ERICH6B: variants seen among roughly 807,000 people sequenced by gnomAD.
The protein encoded by ERICH6B is glutamate rich 6B.
A neutral mutation model predicts 80.0 loss-of-function variants in ERICH6B; 69 were observed. The observed-to-expected ratio is 0.86, with a 90% CI of 0.71 to 1.05. ERICH6B has a LOEUF of 1.05. ERICH6B is among the 50% of genes least tolerant of loss of function. The probability of loss-of-function intolerance (pLI) is 0.00; values close to 1 mark genes in which losing one functional copy is unlikely to be tolerated. For missense variants in ERICH6B, 754 were observed against 796.1 expected (o/e 0.95, Z 0.64); for synonymous variants, 283 against 291.9 (o/e 0.97, Z 0.31).
At chr13:45,565,997 G>A (rs1473333799) in intron 9 of ERICH6B, among the ~76,000 whole-genome samples, 1 of 152,230 alleles carries the variant, frequency 6.6e-6, no homozygotes, top group African/African-American at 2.4e-5. Flanking sequence ...AAAAAGTCCA[G>A]GCTGAGGTGG....
chr13:45,603,012 G>A (rs1566306307), intron 2 of ERICH6B, among the ~76,000 whole-genome samples: 1 of 152,232 alleles, frequency 6.6e-6, no homozygotes, highest in Non-Finnish European at 1.5e-5. Flanking sequence ...AAAGCTGGTG[G>A]TGTAATTCAG....
At chr13:45,580,686 G>C (rs1202711913) in intron 5 of ERICH6B, 21 bp from the exon 6 acceptor site, 1 of 1,550,954 alleles carries the variant, frequency 6.4e-7, no homozygotes, top group South Asian at 1.2e-5. Context: ...GCAGAAGAGG[G>C]TGGCTATTAA....
chr13:45,586,852 G>C (rs1875926616), intron 5 of ERICH6B, among the ~76,000 whole-genome samples: 1 of 152,146 alleles, frequency 6.6e-6, no homozygotes, highest in African/African-American at 2.4e-5. Flanking sequence ...TTCTCTGAGG[G>C]GGGTCTGGGA....
At chr13:45,553,568 G>A (rs1280369012) in intron 11 of ERICH6B, among the ~76,000 whole-genome samples, 1 of 151,998 alleles carries the variant, frequency 6.6e-6, no homozygotes, top group Admixed American at 6.6e-5. Flanking sequence ...TCCTTATGCC[G>A]AGCACTGCAC....
Position 45,561,354 on chromosome 13 carries a change from T to C in ERICH6B, c.1407+15A>G. On this transcript the variant is annotated intron_variant, in intron 11 of 14. Coordinates refer to ENST00000298738, the MANE Select transcript of ERICH6B (RefSeq NM_182542.3). ...CTGTGCAAAGTAAAAAACAGCAATGTACTGTCCCTCTTACCACTGTCTTCT... is the reference window on the plus strand; with the variant it reads ...CTGTGCAAAGTAAAAAACAGCAATGCACTGTCCCTCTTACCACTGTCTTCT... 1 of 1,551,332 alleles carries C rather than the reference T, an allele frequency of 6.4e-7. No individual in the cohort carries two copies. The highest frequency in any genetic ancestry group is 8.7e-7 in the Non-Finnish European group (1 of 1,146,528).
intron 2 of ERICH6B, among the ~76,000 whole-genome samples, chr13:45,606,524 TATATATATATATATA>T (rs1949863337): frequency 6.0e-5 from 2 of 33,334 alleles, no homozygotes; most frequent in African/African-American, 2.7e-4. Flanking sequence ...TATATATATA[TATATATATATATATA>T]TATATATATT....
At position 45,542,390 on chromosome 13, in the gene ERICH6B, T is replaced by C. The variant is rs572660296; in HGVS notation, c.1873-710A>G. ...AGGCTGGGCATGGAGGCGCCTGTTCTTCCCTGGGCACACTACTGCCCACGT... is the reference window on the plus strand; with the variant it reads ...AGGCTGGGCATGGAGGCGCCTGTTCCTCCCTGGGCACACTACTGCCCACGT... On this transcript the variant is annotated intron_variant, in intron 14 of 14. Transcript: ENST00000298738. Among the ~76,000 whole-genome samples the C allele has an allele frequency of 3.9e-3, 598 of 152,350 alleles. 2 individuals carry two copies. The highest frequency in any genetic ancestry group is 6.5e-3 in the Non-Finnish European group (441 of 68,018).
intron 14 of ERICH6B, among the ~76,000 whole-genome samples, chr13:45,542,266 A>C (rs910415129): frequency 1.4e-4 from 21 of 152,224 alleles, no homozygotes; most frequent in African/African-American, 4.6e-4. Flanking sequence ...AAATGTCTTC[A>C]CACAATATTG....
At chr13:45,586,234 T>C (rs779060656) in intron 5 of ERICH6B, among the ~76,000 whole-genome samples, 2 of 152,090 alleles carry the variant, frequency 1.3e-5, no homozygotes, top group African/African-American at 4.8e-5. Context: ...CCTTATAGGG[T>C]TTCTGGCTCC....
chr13:45,612,540 T>G (rs906121756), intron 1 of ERICH6B, among the ~76,000 whole-genome samples: 1 of 152,256 alleles, frequency 6.6e-6, no homozygotes, highest in African/African-American at 2.4e-5. Context: ...CATGAGAGAA[T>G]TGGGCAGTCC....
In ERICH6B at chr13:45,574,836, A is replaced by G. The variant is rs1236615846; in HGVS notation, c.1050+6T>C. Reference sequence around the variant, plus strand: ...GGGGGGGGTCTCAAGTTTTTATCCAACTTACGTTTTCATCTAAATCTTCCA... The same window carrying G: ...GGGGGGGGTCTCAAGTTTTTATCCAGCTTACGTTTTCATCTAAATCTTCCA... On this transcript the variant is annotated splice_donor_region_variant and intron_variant, in intron 8 of 14. Transcript: ENST00000298738. 1.9e-6 allele frequency: 3 copies of G among 1,548,292 alleles called. No individual in the cohort carries two copies. The highest frequency in any genetic ancestry group is 1.2e-5 in the South Asian group (1 of 83,950).
chr13:45,567,263 A>T lies in ERICH6B; in HGVS notation c.1187+1052T>A, dbSNP rs187177633. ...TGTCTCAGATGAGACTTCGGACTGT[A>T]AACTTTTGAATTAATGCTGAAATGA... On this transcript the variant is annotated intron_variant, in intron 9 of 14. Transcript: ENST00000298738. 4.4e-4 allele frequency among the ~76,000 whole-genome samples: 67 copies of T among 152,326 alleles called. No homozygotes were observed. The East Asian group carries it at 0.011, about 25-fold the overall frequency.
At chr13:45,608,274 G>A (rs997897143) in intron 1 of ERICH6B, among the ~76,000 whole-genome samples, 1 of 151,722 alleles carries the variant, frequency 6.6e-6, no homozygotes, top group African/African-American at 2.4e-5. Context: ...CTCAGCCTCT[G>A]TTTGCTTGAT....
chr13:45,566,453 A>G (rs2137982547), intron 9 of ERICH6B, among the ~76,000 whole-genome samples: 1 of 152,344 alleles, frequency 6.6e-6, no homozygotes, highest in East Asian at 1.9e-4. Context: ...AAATGGTTTC[A>G]TGGGCCAGGC....
In ERICH6B at chr13:45,580,544, C is replaced by T. The variant is rs1291330164; in HGVS notation, c.919+59G>A. On this transcript the variant is annotated intron_variant, in intron 6 of 14. Transcript: ENST00000298738. The stretch of plus-strand genomic sequence containing the variant: ...GGGCAGGCTAATTCTGTGCTTCTTA[C>T]CTTCTCTGGGATGGATGACTAACTT... 3 of 1,525,718 alleles carry T rather than the reference C, an allele frequency of 2.0e-6. No individual in the cohort carries two copies. In the African/African-American group the frequency reaches 4.1e-5, roughly 21 times the overall value. The allele number at this position is 1,525,718 out of a possible 1,614,324, so 94.5% of individuals were successfully genotyped here.
chr13:45,613,997 A>T (rs1949914102), intron 1 of ERICH6B, among the ~76,000 whole-genome samples: 1 of 152,166 alleles, frequency 6.6e-6, no homozygotes, highest in Admixed American at 6.5e-5. Flanking sequence ...CATCAGCCCC[A>T]TCTCCAACAG....
At chr13:45,562,061 G>T (rs1182954577) in intron 10 of ERICH6B, among the ~76,000 whole-genome samples, 1 of 151,938 alleles carries the variant, frequency 6.6e-6, no homozygotes, top group Non-Finnish European at 1.5e-5. Context: ...TCACACCAAT[G>T]ACTGATTGAC....
chr13:45,598,838 T>C (rs185852555), intron 2 of ERICH6B, among the ~76,000 whole-genome samples: 69 of 152,274 alleles, frequency 4.5e-4, no homozygotes, highest in African/African-American at 1.5e-3. Flanking sequence ...CCCTTTCTGA[T>C]AGTGATGTCA....
rs1202385867 is a variant in ERICH6B, at chr13:45,541,644, T to C, written c.1909A>G (p.Lys637Glu). 6.4e-7 allele frequency: 1 copy of C among 1,551,144 alleles called. No individual in the cohort carries two copies. Among genetic ancestry groups the C allele is most frequent in the Admixed American group, 2.0e-5 (1 of 51,008 alleles). ...IPEVLSEMKK[K>E]TILEAEPGPT... ...CCGGGTTCTGCCTCCAGGATGGTTT[T>C]CTTCTTCATTTCGCTCAGCACCTCT... The change falls in exon 15 of 15, where the codon AAA (lysine) becomes GAA (glutamate). Residue 637 changes from lysine (K) to glutamate (E), a missense_variant. Transcript: ENST00000298738.
Sources: gnomAD v4.1 joint callset for allele counts (sites outside exome capture counted in the v4.1 genomes callset) on GRCh38, gnomAD v4.1.1 for gene constraint, MANE v1.5 for transcripts, NCBI Gene and HGNC (gene_info 2026-07-23, HGNC 2026-07-21) for gene names.